The following RYR3 variants were observed in gnomAD, a reference collection of about 807,000 sequenced individuals.
RYR3 encodes the protein brain ryanodine receptor-calcium release channel.
A neutral mutation model predicts 584.3 loss-of-function variants in RYR3; 207 were observed. The ratio of observed to expected loss-of-function variants is 0.35; its 90% confidence interval spans 0.32 to 0.40. The LOEUF is 0.40. RYR3 is among the 10% of genes least tolerant of loss of function. The pLI is 1.00. For synonymous variants in RYR3, 2,416 were observed against 2,248.5 expected, an observed-to-expected ratio of 1.07 and a Z score of -2.11; for missense variants, 5,616 against 6,089.2, an observed-to-expected ratio of 0.92 and a Z score of 2.59.
In RYR3 at chr15:33,788,349, A is replaced by C; in HGVS notation, c.9721A>C (p.Lys3241Gln). The stretch of plus-strand genomic sequence containing the variant: ...GGAGGAGCAGTTGAAAGCCGATGGC[A>C]AAGGGGACACCCAGGAGGCAGAACT... ...QEEEQLKADG[K>Q]GDTQEAELLI... Residue 3241 changes from lysine (K) to glutamine (Q), a missense_variant, in exon 67 of 104, where the codon AAA (lysine) becomes CAA (glutamine). By Grantham distance (53) the Lys-to-Gln change is moderately conservative. Transcript: ENST00000634891. The C allele has an allele frequency of 6.2e-7, 1 of 1,613,960 alleles. No individual in the cohort carries two copies. The highest frequency in any genetic ancestry group is 8.5e-7 in the Non-Finnish European group (1 of 1,179,880).
At chr15:33,431,715 G>A (rs530283185) in intron 1 of RYR3, among the ~76,000 whole-genome samples, 31 of 152,214 alleles carry the variant, frequency 2.0e-4, no homozygotes, top group African/African-American at 7.0e-4. Flanking sequence ...GCAGTGAGCC[G>A]AGCATGCACT....
chr15:33,761,562 C>T (rs747105419), intron 60 of RYR3, among the ~76,000 whole-genome samples: 1 of 152,028 alleles, frequency 6.6e-6, no homozygotes, highest in Admixed American at 6.6e-5. Flanking sequence ...AGGAAGAAGT[C>T]GAATCCCTGA....
chr15:33,856,163 C>T (rs920757989), intron 98 of RYR3: 3 of 152,266 alleles, frequency 2.0e-5, no homozygotes, highest in African/African-American at 7.2e-5. Flanking sequence ...GATTCACCCC[C>T]TTTTCTTCCC....
chr15:33,349,374 G>A (rs966178822), intron 1 of RYR3, among the ~76,000 whole-genome samples: 2 of 152,068 alleles, frequency 1.3e-5, no homozygotes, highest in African/African-American at 2.4e-5. Context: ...CAAAGTGGCT[G>A]CACCATTTTG....
intron 53 of RYR3, among the ~76,000 whole-genome samples, chr15:33,747,550 G>T (rs1305874446): frequency 1.3e-5 from 2 of 150,806 alleles, no homozygotes; most frequent in Non-Finnish European, 2.9e-5. Flanking sequence ...TTAGCCTCCC[G>T]AGTAGCTGGG....
intron 16 of RYR3, among the ~76,000 whole-genome samples, chr15:33,590,640 G>GCT (rs375540972): frequency 6.9e-6 from 1 of 144,954 alleles, no homozygotes; most frequent in Non-Finnish European, 1.5e-5. Flanking sequence ...TTTTCATAGG[G>GCT]TTTTTTTTTT....
chr15:33,573,248 TAC>T (rs1330516210), intron 12 of RYR3, among the ~76,000 whole-genome samples: 1 of 152,164 alleles, frequency 6.6e-6, no homozygotes, highest in East Asian at 1.9e-4. Context: ...CTGCAAAAGT[TAC>T]AGTGTTTGGA....
intron 64 of RYR3, among the ~76,000 whole-genome samples, chr15:33,776,904 A>C (rs1476976160): frequency 6.6e-6 from 1 of 152,270 alleles, no homozygotes; most frequent in African/African-American, 2.4e-5. Flanking sequence ...ACTGAAATAC[A>C]AACTGAACAC....
chr15:33,499,193 C>G (rs1029269434), intron 2 of RYR3, among the ~76,000 whole-genome samples: 8 of 151,288 alleles, frequency 5.3e-5, no homozygotes, highest in Non-Finnish European at 1.2e-4. Context: ...CTCTCCCTCC[C>G]CTTCCTCTCC....
intron 1 of RYR3, among the ~76,000 whole-genome samples, chr15:33,355,040 C>A (rs1445443875): frequency 6.6e-6 from 1 of 151,934 alleles, no homozygotes; most frequent in Non-Finnish European, 1.5e-5. Context: ...AAAAATTAGC[C>A]GGGCGTGGTG....
Position 33,785,841 on chromosome 15 carries a change from C to A in RYR3, c.9448C>A (p.Pro3150Thr), listed in dbSNP as rs1359482829. 2 of 1,613,902 alleles carry A rather than the reference C, an allele frequency of 1.2e-6. No individual in the cohort carries two copies. The highest frequency in any genetic ancestry group is 4.5e-5 in the East Asian group (2 of 44,878). Residue 3150 changes from proline to threonine, a missense_variant, in exon 66 of 104, where the codon CCT becomes ACT. By Grantham distance (38) the Pro-to-Thr change is conservative. This residue lies in a region of RYR3 where 954 missense variants were observed against 1,132.2 expected (regional missense o/e 0.84). Coordinates refer to ENST00000634891, the MANE Select transcript of RYR3 (RefSeq NM_001036.6). ...NYLSYWWERG[P>T]ENLPPSTGPC... The stretch of plus-strand genomic sequence containing the variant: ...CTTGTCCTACTGGTGGGAGCGGGGT[C>A]CTGAGAACCTGCCCCCCAGCACAGG...
At chr15:33,547,188 C>G (rs1324568136) in intron 8 of RYR3, among the ~76,000 whole-genome samples, 2 of 152,064 alleles carry the variant, frequency 1.3e-5, no homozygotes, top group African/African-American at 2.4e-5. Context: ...TCAGACAAAT[C>G]CAAGTTGAGA....
intron 38 of RYR3, among the ~76,000 whole-genome samples, chr15:33,681,627 TTTACAG>T (rs2064626794): frequency 6.6e-6 from 1 of 152,218 alleles, no homozygotes; most frequent in African/African-American, 2.4e-5. Context: ...CTCCAGAGCA[TTTACAG>T]CATGCCACAA....
At chr15:33,840,702 G>C (rs1388504703) in intron 89 of RYR3, 123 bp from the exon 90 acceptor site, 2 of 802,124 alleles carry the variant, frequency 2.5e-6, no homozygotes, top group African/African-American at 3.4e-5. Flanking sequence ...GTGATCCTGA[G>C]AGAAGCAGAA....
chr15:33,587,444 T>G (rs1458274560), intron 16 of RYR3, among the ~76,000 whole-genome samples: 1 of 152,216 alleles, frequency 6.6e-6, no homozygotes, highest in Non-Finnish European at 1.5e-5. Flanking sequence ...TAACCAACTT[T>G]GTTGTGGCTT....
At chr15:33,691,424 A>G (rs2065422473) in intron 38 of RYR3, among the ~76,000 whole-genome samples, 1 of 152,186 alleles carries the variant, frequency 6.6e-6, no homozygotes, top group African/African-American at 2.4e-5. Context: ...GCAGCTAAAC[A>G]TTTTTCAAAA....
At chr15:33,854,282 T>C in intron 96 of RYR3, 107 bp from the exon 97 acceptor site, 2 of 795,898 alleles carry the variant, frequency 2.5e-6, no homozygotes. Flanking sequence ...CTGAGAGCCA[T>C]ATTTAGGTTA....
At chr15:33,657,129 C>T (rs994578695) in intron 32 of RYR3, among the ~76,000 whole-genome samples, 8 of 152,076 alleles carry the variant, frequency 5.3e-5, no homozygotes, top group African/African-American at 9.7e-5. Context: ...TTTTAGTGAT[C>T]GAAGAGACAT....
chr15:33,354,788 CA>C (rs1393084585), intron 1 of RYR3, among the ~76,000 whole-genome samples: 1 of 152,196 alleles, frequency 6.6e-6, no homozygotes, highest in Non-Finnish European at 1.5e-5. Flanking sequence ...TAGCAATTCA[CA>C]AGTAAAGTAG....
Sources: gnomAD v4.1 joint callset for allele counts (sites outside exome capture counted in the v4.1 genomes callset) on GRCh38, gnomAD v4.1.1 for gene constraint, gnomAD v4.1.1 regional missense constraint, MANE v1.5 for transcripts, NCBI Gene and HGNC (gene_info 2026-07-23, HGNC 2026-07-21) for gene names.